NKAIN2: variants seen among roughly 807,000 people sequenced by gnomAD.
NKAIN2 encodes the protein sodium/potassium-transporting ATPase subunit beta-1-interacting protein 2.
A neutral mutation model predicts 32.6 loss-of-function variants in NKAIN2; 14 were observed. That is an observed-to-expected ratio of 0.43 (90% CI 0.28 to 0.67). NKAIN2 has a LOEUF of 0.67. Among genes scored for constraint, NKAIN2 ranks in the 30% least tolerant of loss-of-function variants. The pLI is 0.17. For missense variants in NKAIN2, 198 were observed against 258.3 expected (o/e 0.77, Z 1.60); for synonymous variants, 80 against 87.2 (o/e 0.92, Z 0.46).
chr6:124,809,410 T>TG (rs1381014113), intron 5 of NKAIN2, among the ~76,000 whole-genome samples: 1 of 147,448 alleles, frequency 6.8e-6, no homozygotes, highest in Non-Finnish European at 1.5e-5. Context: ...TAAATGGTGC[T>TG]GGGAAAACTG....
In NKAIN2 at chr6:124,689,244, T is replaced by C. The variant is rs531890210; in HGVS notation, c.474+30858T>C. On this transcript the variant is annotated intron_variant, in intron 4 of 6. Transcript: ENST00000368417. ...CTGATGACATATGATGTTGGACACC[T>C]TTTTTATCTACTTATTTGACATCTG... 2.2e-4 allele frequency among the ~76,000 whole-genome samples: 33 copies of C among 152,234 alleles called. No individual in the cohort carries two copies. In the South Asian group the frequency reaches 6.8e-3, roughly 32 times the overall value.
At chr6:123,811,386 C>T (rs1198958185) in intron 1 of NKAIN2, among the ~76,000 whole-genome samples, 5 of 66,954 alleles carry the variant, frequency 7.5e-5, no homozygotes, top group African/African-American at 7.4e-4. Context: ...AGCCTAGCCA[C>T]TCATTAGGGT....
chr6:124,156,134 G>A (rs1436256690), intron 1 of NKAIN2, among the ~76,000 whole-genome samples: 1 of 152,006 alleles, frequency 6.6e-6, no homozygotes, highest in African/African-American at 2.4e-5. Context: ...AGAAATGTTT[G>A]ATTTTAGACA....
rs549702370 is a variant in NKAIN2, at chr6:124,269,553, C to T, written c.55-13452C>T. On this transcript the variant is annotated intron_variant, in intron 1 of 6. Coordinates refer to ENST00000368417, the MANE Select transcript of NKAIN2 (RefSeq NM_001040214.3). ...TGCGAACTCGGCTCACTGAAACCTC[C>T]GCCTCCCAAGTTCAAGCGATTCTCC... is the stretch of plus-strand genomic sequence containing the variant. 1.7e-3 allele frequency among the ~76,000 whole-genome samples: 257 copies of T among 151,318 alleles called. No individual in the cohort carries two copies. The Middle Eastern group carries it at 0.024, about 14-fold the overall frequency.
chr6:124,082,249 A>T (rs577438346), intron 1 of NKAIN2, among the ~76,000 whole-genome samples: 11 of 152,226 alleles, frequency 7.2e-5, no homozygotes, highest in Middle Eastern at 3.4e-3. Flanking sequence ...TATGCTAAAC[A>T]TCAATGAAAA....
chr6:123,845,095 CA>C (rs1775034785), intron 1 of NKAIN2, among the ~76,000 whole-genome samples: 1 of 152,146 alleles, frequency 6.6e-6, no homozygotes. Context: ...ACTTTTGAGA[CA>C]AATAGATGTT....
chr6:123,833,185 C>A (rs529189641), intron 1 of NKAIN2, among the ~76,000 whole-genome samples: 31 of 152,212 alleles, frequency 2.0e-4, no homozygotes, highest in African/African-American at 6.7e-4. Flanking sequence ...GTTGTTCTAC[C>A]ATTTGTAGAA....
chr6:124,678,790 A>G (rs554445554), intron 4 of NKAIN2, among the ~76,000 whole-genome samples: 13 of 152,254 alleles, frequency 8.5e-5, no homozygotes, highest in African/African-American at 2.9e-4. Context: ...GGATTCACAC[A>G]TTTGTCAAAG....
rs573719096 is a variant in NKAIN2, at chr6:124,514,002, A to T, written c.274-144184A>T. 2.6e-5 allele frequency among the ~76,000 whole-genome samples: 4 copies of T among 152,328 alleles called. No individual in the cohort carries two copies. The South Asian group carries it at 8.3e-4, about 32-fold the overall frequency. ...GCAAAATCCAGCAAGGGTGAGAAAT[A>T]CTAGCTATGCTATATTTGTGAAGTG... On this transcript the variant is annotated intron_variant, in intron 3 of 6. Transcript: ENST00000368417.
chr6:124,352,408 T>C (rs1583104774), intron 2 of NKAIN2, among the ~76,000 whole-genome samples: 1 of 152,242 alleles, frequency 6.6e-6, no homozygotes, highest in East Asian at 1.9e-4. Context: ...ATTCCATATA[T>C]ACCATGTGAA....
At chr6:124,615,887 T>A (rs183148306) in intron 3 of NKAIN2, among the ~76,000 whole-genome samples, 95 of 151,990 alleles carry the variant, frequency 6.3e-4, no homozygotes, top group Non-Finnish European at 1.2e-3. Flanking sequence ...TGTTCAGTAA[T>A]TTTTTTTGGA....
intron 1 of NKAIN2, among the ~76,000 whole-genome samples, chr6:124,125,450 C>T (rs896524190): frequency 6.6e-6 from 1 of 152,056 alleles, no homozygotes; most frequent in African/African-American, 2.4e-5. Context: ...AGAAGGCAAA[C>T]ACAGTTAAGT....
At chr6:123,810,432 C>T (rs1773411295) in intron 1 of NKAIN2, among the ~76,000 whole-genome samples, 1 of 152,084 alleles carries the variant, frequency 6.6e-6, no homozygotes, top group Admixed American at 6.5e-5. Flanking sequence ...CCAAACCTGA[C>T]CGACTTAGGT....
chr6:124,050,640 G>A (rs973607561), intron 1 of NKAIN2, among the ~76,000 whole-genome samples: 7 of 151,836 alleles, frequency 4.6e-5, no homozygotes, highest in Non-Finnish European at 8.8e-5. Context: ...GCTACAGTAC[G>A]GTCAGTTTGT....
intron 4 of NKAIN2, among the ~76,000 whole-genome samples, chr6:124,678,512 A>G (rs1773466590): frequency 6.6e-6 from 1 of 151,972 alleles, no homozygotes; most frequent in East Asian, 1.9e-4. Context: ...GTAGCTTTCT[A>G]GTGAATTTTT....
At chr6:124,323,335 G>A (rs540721067) in intron 2 of NKAIN2, among the ~76,000 whole-genome samples, 14 of 152,222 alleles carry the variant, frequency 9.2e-5, no homozygotes, top group African/African-American at 3.4e-4. Context: ...TGTCATCTAA[G>A]AACACTGCCA....
intron 4 of NKAIN2, among the ~76,000 whole-genome samples, chr6:124,735,771 A>G (rs1172916492): frequency 1.3e-5 from 2 of 151,894 alleles, no homozygotes; most frequent in East Asian, 3.9e-4. Flanking sequence ...ATTCACATCC[A>G]TATAAGATGG....
intron 2 of NKAIN2, among the ~76,000 whole-genome samples, chr6:124,333,100 G>A (rs898919344): frequency 6.6e-6 from 1 of 152,076 alleles, no homozygotes; most frequent in Non-Finnish European, 1.5e-5. Flanking sequence ...AAAAGAAAAT[G>A]CATATACCAA....
At chr6:124,712,587 G>T (rs552228720) in intron 4 of NKAIN2, among the ~76,000 whole-genome samples, 1 of 143,936 alleles carries the variant, frequency 6.9e-6, no homozygotes, top group East Asian at 2.0e-4. Flanking sequence ...TTTTCCAGGT[G>T]CGTCCGTCAC....
Sources: gnomAD v4.1 joint callset for allele counts (sites outside exome capture counted in the v4.1 genomes callset) on GRCh38, gnomAD v4.1.1 for gene constraint, MANE v1.5 for transcripts, NCBI Gene and HGNC (gene_info 2026-07-23, HGNC 2026-07-21) for gene names.